CCDC178: variants seen among roughly 807,000 people sequenced by gnomAD.
The protein encoded by CCDC178 is coiled-coil domain-containing protein 178.
In CCDC178, 126 loss-of-function variants were observed where a neutral mutation model predicts 117.4. The ratio of observed to expected loss-of-function variants is 1.07; its 90% CI spans 0.93 to 1.24. The LOEUF (loss-of-function observed/expected upper bound fraction) is 1.24. Among genes scored for constraint, CCDC178 ranks in the 50% most tolerant of loss-of-function variants. The pLI is 0.00. For missense variants in CCDC178, 1,030 were observed against 986.9 expected, an observed-to-expected ratio of 1.04 and a Z score of -0.59; for synonymous variants, 283 against 313.4, an observed-to-expected ratio of 0.90 and a Z score of 1.02.
intron 11 of CCDC178, among the ~76,000 whole-genome samples, chr18:33,310,698 A>G (rs1439234152): frequency 2.0e-5 from 3 of 152,116 alleles, no homozygotes; most frequent in African/African-American, 7.2e-5. Flanking sequence ...AAAAATAATT[A>G]ATTTATAATA....
intron 21 of CCDC178, among the ~76,000 whole-genome samples, chr18:33,046,083 A>G (rs1166176692): frequency 1.3e-5 from 2 of 152,184 alleles, no homozygotes; most frequent in Non-Finnish European, 2.9e-5. Flanking sequence ...AAAAAGTCTT[A>G]TAATATTTAG....
intron 2 of CCDC178, among the ~76,000 whole-genome samples, chr18:33,428,090 T>C (rs1215717858): frequency 6.6e-6 from 1 of 152,238 alleles, no homozygotes; most frequent in Non-Finnish European, 1.5e-5. Flanking sequence ...CTATTCTGTT[T>C]TATTATGACA....
chr18:33,092,943 G>GTA lies in CCDC178; in HGVS notation c.2239-35_2239-34dup, dbSNP rs754278147. 6.1e-4 allele frequency: 770 copies of GTA among 1,260,496 alleles called. 2 individuals carry two copies. Among genetic ancestry groups the GTA allele is most frequent in the Admixed American group, 2.9e-3 (115 of 39,194 alleles). 78.1% of individuals were successfully genotyped at this position (1,260,496 alleles called of 1,614,324 possible). A position where few individuals can be genotyped will look rare whatever the true frequency, so the allele number is the denominator to read the frequency against. On this transcript the variant is annotated intron_variant, in intron 20 of 22. Transcript: ENST00000383096. ...GTAAAAAAATATAATTGAATTGTGT[G>GTA]TATATATATATAAACGCAATTAAAA... is the stretch of plus-strand genomic sequence containing the variant.
At chr18:33,189,463 TGTCCC>T (rs2058832574) in intron 20 of CCDC178, among the ~76,000 whole-genome samples, 2 of 152,334 alleles carry the variant, frequency 1.3e-5, no homozygotes, top group South Asian at 4.1e-4. Flanking sequence ...AAGTTATTTT[TGTCCC>T]ATCTACTTCC....
At chr18:33,148,871 G>T (rs147599147) in intron 20 of CCDC178, among the ~76,000 whole-genome samples, 6 of 152,162 alleles carry the variant, frequency 3.9e-5, no homozygotes, top group South Asian at 4.1e-4. Flanking sequence ...GTCAACCGTC[G>T]CAGTGACAAT....
chr18:33,000,719 AGT>A (rs1162277841), intron 21 of CCDC178, among the ~76,000 whole-genome samples: 1 of 152,236 alleles, frequency 6.6e-6, no homozygotes, highest in African/African-American at 2.4e-5. Context: ...TAGCGTATCC[AGT>A]GAAAATATCT....
In CCDC178 at chr18:33,412,084, G is replaced by C; in HGVS notation, c.5C>G (p.Thr2Ser). The C allele has an allele frequency of 1.4e-6, 2 of 1,455,502 alleles. No homozygotes were observed. Among genetic ancestry groups the C allele is most frequent in the Non-Finnish European group, 1.9e-6 (2 of 1,048,406 alleles). 90.2% of individuals were successfully genotyped at this position (1,455,502 alleles called of 1,614,324 possible). The change falls in exon 3 of 23, where the codon ACT (threonine) becomes AGT (serine). Residue 2 changes from threonine to serine, a missense_variant. Thr to Ser is a moderately conservative substitution (Grantham distance 58). Transcript: ENST00000383096. ...AGAAGAGGAAACTGTCTTGTTTTCA[G>C]TCATAGTTATAAGAATATTTTAAAA... M[T>S]ENKTVSSSST... is the part of the protein sequence containing the mutation.
chr18:33,252,692 A>G (rs946880810), intron 14 of CCDC178, among the ~76,000 whole-genome samples: 1 of 151,786 alleles, frequency 6.6e-6, no homozygotes, highest in African/African-American at 2.4e-5. Context: ...TGCTATCTCT[A>G]CAAATAAATC....
At chr18:33,258,012 C>A (rs2059700264) in intron 14 of CCDC178, among the ~76,000 whole-genome samples, 3 of 152,152 alleles carry the variant, frequency 2.0e-5, no homozygotes, top group Admixed American at 2.0e-4. Context: ...GTCCAGTTAG[C>A]ATCCCTTCCA....
intron 21 of CCDC178, among the ~76,000 whole-genome samples, chr18:33,026,482 A>C (rs758830808): frequency 6.6e-6 from 1 of 152,106 alleles, no homozygotes; most frequent in Non-Finnish European, 1.5e-5. Flanking sequence ...TAATTTTCCA[A>C]AGTTGGTGAA....
intron 9 of CCDC178, among the ~76,000 whole-genome samples, chr18:33,333,740 G>A (rs916175836): frequency 7.9e-5 from 12 of 151,886 alleles, no homozygotes; most frequent in African/African-American, 2.7e-4. Context: ...TCAAACTCGC[G>A]ACCTCAGGTG....
chr18:33,371,812 CACACACAT>C (rs2063305444), intron 5 of CCDC178, among the ~76,000 whole-genome samples: 1 of 147,514 alleles, frequency 6.8e-6, no homozygotes, highest in South Asian at 2.1e-4. Flanking sequence ...CACACACACA[CACACACAT>C]ATGTAATAGT....
chr18:32,995,941 A>ATATC (rs748606887), intron 21 of CCDC178, among the ~76,000 whole-genome samples: 3 of 151,340 alleles, frequency 2.0e-5, no homozygotes, highest in Non-Finnish European at 4.4e-5. Context: ...ATCTATATCT[A>ATATC]TATCTATGTC....
At chr18:32,958,946 G>A (rs778026251) in intron 22 of CCDC178, among the ~76,000 whole-genome samples, 5 of 152,070 alleles carry the variant, frequency 3.3e-5, no homozygotes, top group Non-Finnish European at 7.4e-5. Flanking sequence ...ATCACTTTCT[G>A]GTTATGAGTC....
At chr18:33,333,533 G>A (rs554927376) in intron 9 of CCDC178, 139 bp from the exon 10 acceptor site, 193 of 439,214 alleles carry the variant, frequency 4.4e-4, no homozygotes, top group Admixed American at 1.5e-3. Flanking sequence ...TTTTTTTTCC[G>A]AGATGGAGTT....
At chr18:33,263,302 T>C (rs2059772952) in intron 14 of CCDC178, among the ~76,000 whole-genome samples, 1 of 152,134 alleles carries the variant, frequency 6.6e-6, no homozygotes, top group Non-Finnish European at 1.5e-5. Context: ...CTATTTTAAA[T>C]TTTAAAAAGC....
intron 20 of CCDC178, among the ~76,000 whole-genome samples, chr18:33,112,574 T>C (rs186580498): frequency 6.6e-6 from 1 of 152,030 alleles, no homozygotes; most frequent in East Asian, 1.9e-4. Flanking sequence ...AGATAGACTA[T>C]GTTTTCCTGA....
At chr18:33,251,871 A>T (rs950238703) in intron 14 of CCDC178, among the ~76,000 whole-genome samples, 4 of 151,742 alleles carry the variant, frequency 2.6e-5, no homozygotes, top group African/African-American at 9.7e-5. Context: ...AAGTTCAATG[A>T]AGAAAGCTGC....
At chr18:33,133,784 T>C (rs945788437) in intron 20 of CCDC178, among the ~76,000 whole-genome samples, 1 of 151,958 alleles carries the variant, frequency 6.6e-6, no homozygotes, top group Non-Finnish European at 1.5e-5. Flanking sequence ...TGCAAGGCTG[T>C]ATTCTTAGTT....
Sources: allele counts gnomAD v4.1 joint callset (sites outside exome capture counted in the v4.1 genomes callset), GRCh38; gene constraint gnomAD v4.1.1; transcripts MANE v1.5; gene names NCBI Gene and HGNC (gene_info 2026-07-23, HGNC 2026-07-21).